The following SLC4A7 variants were observed in gnomAD, a reference collection of about 807,000 sequenced individuals.
SLC4A7 encodes the protein solute carrier family 4 member 7, also known as sodium bicarbonate cotransporter 3.
A neutral mutation model predicts 137.6 loss-of-function variants in SLC4A7; 51 were observed. The ratio of observed to expected loss-of-function variants is 0.37; its 90% CI spans 0.30 to 0.47. The LOEUF (loss-of-function observed/expected upper bound fraction) is 0.47, where lower values mean the gene tolerates loss of function less well. SLC4A7 is among the 20% of genes least tolerant of loss of function. The pLI is 1.00. For missense variants in SLC4A7, 1,247 were observed against 1,525.4 expected (o/e 0.82, Z 3.04); for synonymous variants, 542 against 518.6 (o/e 1.05, Z -0.61).
rs554953762 is a variant in SLC4A7 at position 27,473,671 on chromosome 3, A to T, written c.60+10396T>A. Among the ~76,000 whole-genome samples, 4 of 134,690 alleles carry T rather than the reference A, an allele frequency of 3.0e-5. No individual in the cohort carries two copies. The East Asian group carries it at 9.6e-4, about 32-fold the overall frequency. The allele number at this position is 134,690 out of a possible 152,430, so 88.4% of individuals were successfully genotyped here. A position where few individuals can be genotyped will look rare whatever the true frequency, so the allele number is the denominator to read the frequency against. ...TGTAGTGAGCCGAGATCATATCAGC[A>T]CTCCAGCCTGGGTGACAGAGTGAGA... On this transcript the variant is annotated intron_variant, in intron 1 of 25. Coordinates refer to ENST00000454389, the MANE Select transcript of SLC4A7 (RefSeq NM_001321103.2).
At chr3:27,402,070 C>A (rs1055243461) in intron 15 of SLC4A7, among the ~76,000 whole-genome samples, 1 of 152,122 alleles carries the variant, frequency 6.6e-6, no homozygotes, top group Non-Finnish European at 1.5e-5. Context: ...GAGGGAAGTA[C>A]ATGTATCTGG....
rs546196193 is a variant in SLC4A7 at position 27,467,284 on chromosome 3, G to C, written c.61-14786C>G. Reference sequence around the variant, plus strand: ...GGGTATCTGATTTCAAAGAGCTCATGTTCATTCCACTAGGCCACATACCTT... The same window carrying C: ...GGGTATCTGATTTCAAAGAGCTCATCTTCATTCCACTAGGCCACATACCTT... On this transcript the variant is annotated intron_variant, in intron 1 of 25. Transcript: ENST00000454389. 4.6e-5 allele frequency among the ~76,000 whole-genome samples: 7 copies of C among 152,204 alleles called. No individual in the cohort carries two copies. In the South Asian group the frequency reaches 1.5e-3, roughly 32 times the overall value.
intron 25 of SLC4A7, among the ~76,000 whole-genome samples, chr3:27,378,733 C>A (rs2149997669): frequency 6.6e-6 from 1 of 152,212 alleles, no homozygotes; most frequent in South Asian, 2.1e-4. Flanking sequence ...AGAAGGGAAA[C>A]AACTTGTGTT....
At chr3:27,464,089 T>A (rs937947909) in intron 1 of SLC4A7, among the ~76,000 whole-genome samples, 3 of 151,708 alleles carry the variant, frequency 2.0e-5, no homozygotes, top group African/African-American at 7.3e-5. Context: ...GACACAAGAA[T>A]CGCTTGAACC....
At chr3:27,480,439 G>C (rs1216153659) in intron 1 of SLC4A7, among the ~76,000 whole-genome samples, 2 of 152,046 alleles carry the variant, frequency 1.3e-5, no homozygotes, top group African/African-American at 4.8e-5. Context: ...ATGTTGCCCA[G>C]GCTGGTCTCA....
At chr3:27,394,368 C>T (rs2051919255) in intron 20 of SLC4A7, 150 bp downstream of exon 20, 1 of 717,132 alleles carries the variant, frequency 1.4e-6, no homozygotes, top group Admixed American at 2.7e-5. Context: ...GCTTGCTATA[C>T]TAAAAACCTA....
intron 2 of SLC4A7, among the ~76,000 whole-genome samples, chr3:27,449,103 T>G (rs918899136): frequency 2.0e-5 from 3 of 151,986 alleles, no homozygotes; most frequent in African/African-American, 7.2e-5. Flanking sequence ...GGTTTCACCA[T>G]GTTGGTCAGG....
At chr3:27,394,482 A>G (rs1044128500) in intron 20 of SLC4A7, 36 bp downstream of exon 20, 3 of 1,558,964 alleles carry the variant, frequency 1.9e-6, no homozygotes, top group Non-Finnish European at 2.6e-6. Flanking sequence ...AAATGTTATA[A>G]TAAGATTGTA....
Position 27,383,202 on chromosome 3 carries a change from A to G in SLC4A7, c.3541T>C (p.Phe1181Leu). The G allele has an allele frequency of 6.2e-7, 1 of 1,613,452 alleles. No individual in the cohort carries two copies. Among genetic ancestry groups the G allele is most frequent in the East Asian group, 2.2e-5 (1 of 44,872 alleles). ...ATTTGCAAGAGACTTCCCCCTTCAA[A>G]TGGAAGGTGCACAGTATCATCATCA... The part of the protein sequence containing the change: ...QDDDDTVHLP[F>L]EGGSLLQIPV... The change falls in exon 24 of 26, where the codon TTT becomes CTT. Residue 1181 changes from phenylalanine (F) to leucine (L), a missense_variant. Coordinates refer to ENST00000454389, the MANE Select transcript of SLC4A7 (RefSeq NM_001321103.2).
chr3:27,396,983 A>C (rs1056136126), intron 18 of SLC4A7, among the ~76,000 whole-genome samples: 1 of 152,154 alleles, frequency 6.6e-6, no homozygotes, highest in Non-Finnish European at 1.5e-5. Flanking sequence ...ACCCTTCTAG[A>C]AATTTAACTA....
intron 14 of SLC4A7, among the ~76,000 whole-genome samples, chr3:27,404,239 C>T (rs560265242): frequency 2.0e-5 from 3 of 152,196 alleles, no homozygotes; most frequent in East Asian, 1.9e-4. Context: ...GTGGTTGCGG[C>T]GCCAGTAATC....
At chr3:27,418,205 T>C (rs1008901897) in intron 11 of SLC4A7, among the ~76,000 whole-genome samples, 3 of 152,138 alleles carry the variant, frequency 2.0e-5, no homozygotes, top group Non-Finnish European at 4.4e-5. Flanking sequence ...AACTTTTATA[T>C]GAAAAAAGCA....
At chr3:27,439,153 G>C (rs1451139405) in intron 3 of SLC4A7, among the ~76,000 whole-genome samples, 3 of 152,124 alleles carry the variant, frequency 2.0e-5, no homozygotes, top group Non-Finnish European at 2.9e-5. Context: ...ATTTAAACAG[G>C]ATAAAGAGTA....
intron 2 of SLC4A7, among the ~76,000 whole-genome samples, chr3:27,451,063 ACCATAAGC>A (rs1295604751): frequency 6.6e-6 from 1 of 152,044 alleles, no homozygotes; most frequent in Non-Finnish European, 1.5e-5. Flanking sequence ...ACAGGATCTA[ACCATAAGC>A]TTCTAGATAA....
At chr3:27,473,436 C>T (rs1345436980) in intron 1 of SLC4A7, among the ~76,000 whole-genome samples, 1 of 151,800 alleles carries the variant, frequency 6.6e-6, no homozygotes, top group Non-Finnish European at 1.5e-5. Flanking sequence ...AATAGAAAGG[C>T]AGCTTGAGGC....
intron 7 of SLC4A7, among the ~76,000 whole-genome samples, chr3:27,426,818 T>G (rs1308129821): frequency 6.6e-6 from 1 of 152,170 alleles, no homozygotes; most frequent in Non-Finnish European, 1.5e-5. Flanking sequence ...AAACTAAAAC[T>G]GTTTTCTCAA....
intron 11 of SLC4A7, among the ~76,000 whole-genome samples, chr3:27,414,013 C>T (rs2054152906): frequency 6.6e-6 from 1 of 152,230 alleles, no homozygotes; most frequent in African/African-American, 2.4e-5. Context: ...GGCGTGGTGG[C>T]TCACACTTGT....
At chr3:27,376,976 T>C (rs926414961) in intron 25 of SLC4A7, 131 bp from the exon 26 acceptor site, 6 of 366,898 alleles carry the variant, frequency 1.6e-5, no homozygotes, top group Non-Finnish European at 9.6e-6. Flanking sequence ...TTGCTAATTT[T>C]AGCTTTTCTA....
chr3:27,408,911 G>A (rs192238395), intron 13 of SLC4A7, among the ~76,000 whole-genome samples: 18 of 152,160 alleles, frequency 1.2e-4, no homozygotes, highest in African/African-American at 1.7e-4. Flanking sequence ...TCTTCCAGTC[G>A]AGTATAGGCT....
Sources: gnomAD v4.1 joint callset for allele counts (sites outside exome capture counted in the v4.1 genomes callset) on GRCh38, gnomAD v4.1.1 for gene constraint, MANE v1.5 for transcripts, NCBI Gene and HGNC (gene_info 2026-07-23, HGNC 2026-07-21) for gene names.